Variants in GON4L observed in about 807,000 individuals in gnomAD.
GON4L encodes the protein GON-4-like protein.
A neutral mutation model predicts 211.8 loss-of-function variants in GON4L; 87 were observed. The observed-to-expected ratio is 0.41, with a 90% CI of 0.35 to 0.49. The LOEUF (loss-of-function observed/expected upper bound fraction) is 0.49. GON4L is among the 20% of genes least tolerant of loss of function. The pLI is 0.15. For synonymous variants in GON4L, 875 were observed against 962.6 expected, an observed-to-expected ratio of 0.91 and a Z score of 1.68; for missense variants, 2,155 against 2,659.5, an observed-to-expected ratio of 0.81 and a Z score of 4.17.
At position 155,776,548 on chromosome 1, in the gene GON4L, TC is replaced by T. The variant is rs1158539112; in HGVS notation, c.2092-68del. 47 of 1,067,410 alleles carry T rather than the reference TC, an allele frequency of 4.4e-5. No homozygotes were observed. The East Asian group carries it at 1.2e-3, about 28-fold the overall frequency. The allele number at this position is 1,067,410 out of a possible 1,614,324, so 66.1% of individuals were successfully genotyped here. ...TTGTCATTTCAGGAATCCAGAGAGA[TC>T]TTTTTTTTTTTTCTTCTTGGAGAAA... is the stretch of plus-strand genomic sequence containing the variant. On this transcript the variant is annotated intron_variant, in intron 15 of 31. Transcript: ENST00000368331.
At chr1:155,830,559 G>A (rs1270360595) in intron 2 of GON4L, among the ~76,000 whole-genome samples, 6 of 152,108 alleles carry the variant, frequency 3.9e-5, no homozygotes, top group East Asian at 3.9e-4. Flanking sequence ...TTACAGGCAC[G>A]AGCCACCGCA....
chr1:155,795,438 T>C (rs1051938691), intron 11 of GON4L, among the ~76,000 whole-genome samples: 1 of 152,160 alleles, frequency 6.6e-6, no homozygotes. Flanking sequence ...CTGTAAAAGC[T>C]ACTTGTACAG....
intron 25 of GON4L, among the ~76,000 whole-genome samples, chr1:155,757,553 C>G (rs919883115): frequency 1.3e-5 from 2 of 151,572 alleles, no homozygotes; most frequent in African/African-American, 4.9e-5. Context: ...TCCACTCCAC[C>G]CTACTGATCT....
At chr1:155,817,873 A>G (rs1004616130) in intron 6 of GON4L, among the ~76,000 whole-genome samples, 1 of 149,764 alleles carries the variant, frequency 6.7e-6, no homozygotes, top group East Asian at 2.0e-4. Flanking sequence ...GGCTGCAGTG[A>G]GCTATGATTA....
intron 14 of GON4L, among the ~76,000 whole-genome samples, chr1:155,779,781 G>A (rs1269700913): frequency 6.6e-6 from 1 of 152,010 alleles, no homozygotes; most frequent in Non-Finnish European, 1.5e-5. Context: ...GGGAACCTTA[G>A]AAGAGGAATT....
chr1:155,760,128 A>T (rs1661637275), intron 24 of GON4L, among the ~76,000 whole-genome samples: 1 of 151,816 alleles, frequency 6.6e-6, no homozygotes, highest in African/African-American at 2.4e-5. Context: ...CCTGACAGTT[A>T]GGAGGCACCT....
intron 29 of GON4L, 142 bp downstream of exon 29, chr1:155,753,062 G>C: frequency 1.5e-6 from 1 of 655,796 alleles, no homozygotes; most frequent in South Asian, 2.0e-5. Flanking sequence ...AACAGCAGAA[G>C]GGCTTCCTAT....
chr1:155,787,496 C>T (rs79075972), intron 12 of GON4L, among the ~76,000 whole-genome samples: 10,006 of 152,116 alleles, frequency 0.066, 411 homozygotes, highest in African/African-American at 0.11. Context: ...ATCCAGGCCA[C>T]GGGCAGTGGC....
intron 1 of GON4L, among the ~76,000 whole-genome samples, chr1:155,856,885 G>A (rs1672337914): frequency 6.6e-6 from 1 of 151,634 alleles, no homozygotes; most frequent in South Asian, 2.1e-4. Context: ...GGACCAGCAG[G>A]GTGAATGAAT....
chr1:155,816,974 TA>T (rs572703028), intron 6 of GON4L, among the ~76,000 whole-genome samples: 7 of 152,020 alleles, frequency 4.6e-5, no homozygotes, highest in Non-Finnish European at 7.4e-5. Flanking sequence ...TTATAAGAGC[TA>T]GGGGGAAAGT....
At chr1:155,784,998 G>A (rs1664802341) in intron 13 of GON4L, 2 of 383,004 alleles carry the variant, frequency 5.2e-6, no homozygotes, top group East Asian at 1.3e-4. Context: ...CTACTCAGGA[G>A]GCTTAGACGA....
rs150057388 is a variant in GON4L at position 155,765,999 on chromosome 1, G to A, written c.3474C>T (p.Gly1158=). 1,972 of 1,614,144 alleles carry A rather than the reference G, an allele frequency of 1.2e-3. 11 individuals carry two copies. The African/African-American group carries it at 0.022, about 18-fold the overall frequency. ...PATTVKIVSL[G]GGCNMIQPVN... The stretch of plus-strand genomic sequence containing the variant: ...CAGGCTGGATCATGTTACAGCCACC[G>A]CCAAGGCTCACAATCTTCACAGTGG... Residue 1158 remains glycine, a synonymous_variant, in exon 21 of 32, where the codon GGC becomes GGT. Coordinates refer to ENST00000368331, the MANE Select transcript of GON4L (RefSeq NM_001282860.2).
In GON4L at chr1:155,765,271, G is replaced by A. The variant is rs758277551; in HGVS notation, c.4202C>T (p.Thr1401Ile). Residue 1401 changes from threonine to isoleucine, a missense_variant, in exon 21 of 32, where the codon ACC becomes ATC. Thr to Ile is a moderately conservative substitution (Grantham distance 89). Coordinates refer to ENST00000368331, the MANE Select transcript of GON4L (RefSeq NM_001282860.2). ...SSSQEPPDEG[T>I]SGTDVNKGSS... is the part of the protein sequence containing the mutation. Reference sequence around the variant, plus strand: ...TCCTTTGTTCACATCTGTCCCTGAGGTTCCTTCATCAGGGGGCTCTTGAGA... The same window carrying A: ...TCCTTTGTTCACATCTGTCCCTGAGATTCCTTCATCAGGGGGCTCTTGAGA... 9.3e-6 allele frequency: 15 copies of A among 1,614,142 alleles called. No individual in the cohort carries two copies. In the Admixed American group the frequency reaches 1.5e-4, roughly 16 times the overall value.
downstream of GON4L, chr1:155,748,905 A>AAAG (rs1432426638): frequency 9.9e-7 from 1 of 1,011,332 alleles, no homozygotes; most frequent in African/African-American, 1.6e-5. Flanking sequence ...AAAAGGATAA[A>AAAG]AAGAAGGGCT....
intron 10 of GON4L, among the ~76,000 whole-genome samples, chr1:155,807,873 G>C (rs1667306728): frequency 6.6e-6 from 1 of 151,890 alleles, no homozygotes; most frequent in Non-Finnish European, 1.5e-5. Context: ...GGACTGCATT[G>C]AATCTGTAGA....
chr1:155,847,300 C>T (rs1398964462), intron 2 of GON4L, among the ~76,000 whole-genome samples: 9 of 152,278 alleles, frequency 5.9e-5, no homozygotes, highest in African/African-American at 1.4e-4. Flanking sequence ...GGCATGGTGG[C>T]TCATGCCTGT....
At position 155,777,937 on chromosome 1, in the gene GON4L, AT is replaced by A. The variant is rs534480318; in HGVS notation, c.1893-118del. The A allele has an allele frequency of 2.1e-4, 153 of 728,398 alleles. No individual in the cohort carries two copies. In the African/African-American group the frequency reaches 2.4e-3, roughly 11 times the overall value. 45.1% of individuals were successfully genotyped at this position (728,398 alleles called of 1,614,324 possible). ...AATTTTCATTCCCTACTAATCCCCC[AT>A]CTCACTTTAGCCAACAGTCAAACTC... On this transcript the variant is annotated intron_variant, in intron 14 of 31. Coordinates refer to ENST00000368331, the MANE Select transcript of GON4L (RefSeq NM_001282860.2).
In GON4L at chr1:155,763,442, T is replaced by G; in HGVS notation, c.4596A>C (p.Ala1532=). ...SEPEEEEEEE[A]EGMESLQKED... is the part of the protein sequence containing the mutation. ...CTTTCTGCAGGCTTTCCATTCCTTC[T>G]GCTTCTTCTTCCTCCTCTTCTTCTG... Residue 1532 remains alanine, a synonymous_variant, in exon 22 of 32, where the codon GCA becomes GCC. Coordinates refer to ENST00000368331, the MANE Select transcript of GON4L (RefSeq NM_001282860.2). 1 of 1,563,584 alleles carries G rather than the reference T, an allele frequency of 6.4e-7. No individual in the cohort carries two copies. The highest frequency in any genetic ancestry group is 8.7e-7 in the Non-Finnish European group (1 of 1,153,268).
Position 155,853,312 on chromosome 1 carries a change from A to G in GON4L, c.469T>C (p.Ser157Pro), listed in dbSNP as rs1173792774. The G allele has an allele frequency of 6.2e-7, 1 of 1,613,442 alleles. No individual in the cohort carries two copies. The highest frequency in any genetic ancestry group is 8.5e-7 in the Non-Finnish European group (1 of 1,179,352). Residue 157 changes from serine to proline, a missense_variant, in exon 2 of 32, where the codon TCA becomes CCA. Physicochemically the swap from Ser to Pro is moderately conservative, Grantham distance 74 (BLOSUM62 -1). Transcript: ENST00000368331. ...TTGACTTCTTCACTAGGCTCTCCTG[A>G]AAAAGGCTCCTTTAGGGTAAGATGA... ...CDHLTLKEPF[S>P]GEPSEEVKEE...
Sources: allele counts gnomAD v4.1 joint callset (sites outside exome capture counted in the v4.1 genomes callset), GRCh38; gene constraint gnomAD v4.1.1; transcripts MANE v1.5; gene names NCBI Gene and HGNC (gene_info 2026-07-23, HGNC 2026-07-21).